Variants in SVOP observed in about 807,000 individuals in gnomAD.
SVOP encodes the protein synaptic vesicle 2-related protein.
In SVOP, 17 loss-of-function variants were observed where a neutral mutation model predicts 69.1. The ratio of observed to expected loss-of-function variants is 0.25; its 90% confidence interval spans 0.17 to 0.37. The LOEUF is 0.37. Among genes scored for constraint, SVOP ranks in the 10% least tolerant of loss-of-function variants. SVOP has a pLI of 1.00. For synonymous variants in SVOP, 238 were observed against 238.6 expected (o/e 1.00, Z 0.02); for missense variants, 435 against 597.5 (o/e 0.73, Z 2.84).
At chr12:109,007,934 A>G (rs912429624) in intron 1 of SVOP, among the ~76,000 whole-genome samples, 1 of 152,164 alleles carries the variant, frequency 6.6e-6, no homozygotes, top group Admixed American at 6.5e-5. Flanking sequence ...GCTACTGGGG[A>G]GGATGAGATG....
chr12:108,949,128 T>C (rs187184771), intron 6 of SVOP, among the ~76,000 whole-genome samples: 8 of 152,316 alleles, frequency 5.3e-5, no homozygotes, highest in Admixed American at 5.2e-4. Flanking sequence ...TAGAGTATTA[T>C]ATGAATGCAA....
chr12:108,963,145 G>A (rs2040026403), intron 5 of SVOP, among the ~76,000 whole-genome samples: 1 of 152,162 alleles, frequency 6.6e-6, no homozygotes, highest in African/African-American at 2.4e-5. Context: ...GCTCTGTGAG[G>A]TCTGGTCAGG....
At chr12:108,920,660 T>G (rs933742761) in intron 12 of SVOP, among the ~76,000 whole-genome samples, 5 of 149,800 alleles carry the variant, frequency 3.3e-5, no homozygotes, top group South Asian at 2.1e-4. Flanking sequence ...GTGGTGCGTG[T>G]GATATCAGCT....
chr12:108,935,672 A>G (rs1226779925), intron 10 of SVOP, among the ~76,000 whole-genome samples: 1 of 152,200 alleles, frequency 6.6e-6, no homozygotes, highest in Non-Finnish European at 1.5e-5. Context: ...GAATAGAAAA[A>G]TGAGAACTGG....
chr12:108,938,445 C>T (rs1351920143), intron 9 of SVOP, among the ~76,000 whole-genome samples: 1 of 152,198 alleles, frequency 6.6e-6, no homozygotes, highest in Non-Finnish European at 1.5e-5. Context: ...TCTAAGCACA[C>T]TCCTTCCTGA....
chr12:109,019,004 G>A (rs2040382657), intron 1 of SVOP, among the ~76,000 whole-genome samples: 1 of 152,066 alleles, frequency 6.6e-6, no homozygotes, highest in Non-Finnish European at 1.5e-5. Flanking sequence ...GGCATAGTAA[G>A]GATTTGAACC....
At position 108,912,143 on chromosome 12, in the gene SVOP, G is replaced by A. The variant is rs1593173568; in HGVS notation, c.*392C>T. 6 of 1,041,254 alleles carry A rather than the reference G, an allele frequency of 5.8e-6. 1 individual carries two copies. The Admixed American group carries it at 3.0e-4, about 52-fold the overall frequency. 64.5% of individuals were successfully genotyped at this position (1,041,254 alleles called of 1,614,324 possible). On this transcript the variant is annotated 3_prime_UTR_variant, in exon 16 of 16. Coordinates refer to ENST00000610966, the MANE Select transcript of SVOP (RefSeq NM_018711.5). ...GAACAGGTCCGGTGGGTGGACAGCAGGTGTCACATGGGCCTGAGCCTGGAC... is the reference window on the plus strand; with the variant it reads ...GAACAGGTCCGGTGGGTGGACAGCAAGTGTCACATGGGCCTGAGCCTGGAC...
intron 1 of SVOP, among the ~76,000 whole-genome samples, chr12:108,993,389 A>AG (rs1359479734): frequency 4.6e-5 from 7 of 151,366 alleles, no homozygotes; most frequent in East Asian, 3.9e-4. Context: ...AAAAAAAAAA[A>AG]AAAAGAAAAG....
chr12:108,957,227 G>A (rs566085126), intron 6 of SVOP, among the ~76,000 whole-genome samples: 24 of 152,198 alleles, frequency 1.6e-4, no homozygotes, highest in African/African-American at 4.3e-4. Context: ...GCAGTGGCGC[G>A]CTCTCAGCTC....
At chr12:109,019,314 T>C (rs1310361411) in intron 1 of SVOP, among the ~76,000 whole-genome samples, 1 of 152,174 alleles carries the variant, frequency 6.6e-6, no homozygotes, top group African/African-American at 2.4e-5. Flanking sequence ...GAAGGAATTG[T>C]CATGATAATG....
chr12:108,978,486 G>T (rs367930623), intron 3 of SVOP, 92 bp downstream of exon 3: 5 of 643,514 alleles, frequency 7.8e-6, no homozygotes, highest in African/African-American at 3.7e-5. Flanking sequence ...CATGTGCAAA[G>T]AACTGTGTCC....
chr12:108,954,645 A>G (rs2039975617), intron 6 of SVOP, among the ~76,000 whole-genome samples: 1 of 152,162 alleles, frequency 6.6e-6, no homozygotes, highest in Non-Finnish European at 1.5e-5. Context: ...CACCCTTGCA[A>G]TCGCATCTGC....
At chr12:108,961,692 C>T (rs1452938812) in intron 5 of SVOP, among the ~76,000 whole-genome samples, 1 of 152,144 alleles carries the variant, frequency 6.6e-6, no homozygotes, top group African/African-American at 2.4e-5. Flanking sequence ...TAAAGAAAAA[C>T]CATCAACAAT....
intron 5 of SVOP, among the ~76,000 whole-genome samples, chr12:108,968,153 G>C (rs958942487): frequency 6.6e-6 from 1 of 152,228 alleles, no homozygotes; most frequent in Non-Finnish European, 1.5e-5. Context: ...GAAAGTAGCA[G>C]AGAGTGGAAA....
chr12:108,932,017 TTTTA>T (rs746977905), intron 11 of SVOP, among the ~76,000 whole-genome samples: 60 of 152,172 alleles, frequency 3.9e-4, no homozygotes, highest in Non-Finnish European at 6.3e-4. Flanking sequence ...ATTTTTTTAT[TTTTA>T]TTTTTTTTAC....
chr12:108,964,563 T>C (rs967154941), intron 5 of SVOP, among the ~76,000 whole-genome samples: 1 of 152,082 alleles, frequency 6.6e-6, no homozygotes. Context: ...CAGCTGGCTC[T>C]GCATTTGTCT....
intron 13 of SVOP, among the ~76,000 whole-genome samples, chr12:108,918,684 C>T (rs1340287859): frequency 1.3e-5 from 2 of 152,138 alleles, no homozygotes; most frequent in African/African-American, 2.4e-5. Context: ...TATTTTGAGG[C>T]TCTTGGCAAA....
intron 6 of SVOP, 122 bp downstream of exon 6, chr12:108,960,801 C>T: frequency 8.2e-7 from 1 of 1,214,396 alleles, no homozygotes; most frequent in Non-Finnish European, 1.1e-6. Flanking sequence ...TCCTGGAAGC[C>T]CTGGTATAGC....
chr12:108,992,774 G>T (rs1300817714), intron 1 of SVOP, among the ~76,000 whole-genome samples: 2 of 152,142 alleles, frequency 1.3e-5, no homozygotes, highest in Non-Finnish European at 2.9e-5. Context: ...TAATGGGTGT[G>T]GGGTCTCCTT....
Sources: allele counts gnomAD v4.1 joint callset (sites outside exome capture counted in the v4.1 genomes callset), GRCh38; gene constraint gnomAD v4.1.1; transcripts MANE v1.5; gene names NCBI Gene and HGNC (gene_info 2026-07-23, HGNC 2026-07-21).